The following ARSG variants were observed in gnomAD, a reference collection of about 807,000 sequenced individuals.
ARSG encodes arylsulfatase G, also known as ASG.
In ARSG, 37 loss-of-function variants were observed where a neutral mutation model predicts 50.5. The observed-to-expected ratio is 0.73, with a 90% CI of 0.56 to 0.96. The LOEUF is 0.96. Ranked by LOEUF, ARSG falls within the 50% of genes least tolerant of loss-of-function variation. The pLI is 0.00. For synonymous variants in ARSG, 225 were observed against 254.6 expected (o/e 0.88, Z 1.11); for missense variants, 629 against 675.3 (o/e 0.93, Z 0.76).
the ARSG span, among the ~76,000 whole-genome samples, chr17:68,443,822 G>T: frequency 2.6e-5 from 4 of 152,300 alleles, no homozygotes; most frequent in East Asian, 1.9e-4. Context: ...TGTACAAGTT[G>T]TTCCAGTGTG....
chr17:68,406,289 T>C (rs1046259135), intron 11 of ARSG, among the ~76,000 whole-genome samples: 1 of 152,248 alleles, frequency 6.6e-6, no homozygotes, highest in South Asian at 2.1e-4. Context: ...CACTCATTGA[T>C]TGATGGACAT....
Position 68,291,823 on chromosome 17 carries a change from C to G in ARSG, c.-552+255C>G, listed in dbSNP as rs1251896631. 2.0e-5 allele frequency among the ~76,000 whole-genome samples: 3 copies of G among 151,916 alleles called. No individual in the cohort carries two copies. In the East Asian group the frequency reaches 5.9e-4, roughly 30 times the overall value. ...CCCCCGGGCGCCTTCCCGGCGCGCC[C>G]ACCGCCCAGTCCCGCCCGCGCCCTG... is the stretch of plus-strand genomic sequence containing the variant. On this transcript the variant is annotated intron_variant, in intron 1 of 11. Transcript: ENST00000621439.
chr17:68,361,649 C>G (rs1350276566), intron 6 of ARSG, among the ~76,000 whole-genome samples: 1 of 152,168 alleles, frequency 6.6e-6, no homozygotes, highest in Non-Finnish European at 1.5e-5. Flanking sequence ...CACGGTGGCT[C>G]ACGCCTGTAA....
At chr17:68,400,303 C>T (rs1272907960) in intron 10 of ARSG, 6 of 152,206 alleles carry the variant, frequency 3.9e-5, no homozygotes, top group African/African-American at 1.4e-4. Context: ...TTAGGTGTTT[C>T]CATTCTGTAC....
chr17:68,313,379 C>G (rs530725407), intron 2 of ARSG, among the ~76,000 whole-genome samples: 3 of 152,314 alleles, frequency 2.0e-5, no homozygotes, highest in East Asian at 3.9e-4. Context: ...TTCCTTGCCT[C>G]TCTCCTGGAT....
downstream of ARSG, among the ~76,000 whole-genome samples, chr17:68,425,324 G>A (rs565746441): frequency 2.6e-5 from 4 of 151,892 alleles, no homozygotes; most frequent in Non-Finnish European, 5.9e-5. Context: ...CCATCTCAGC[G>A]TCCCGAATAG....
intron 1 of ARSG, chr17:68,270,923 C>G: frequency 6.2e-7 from 1 of 1,614,178 alleles, no homozygotes; most frequent in Non-Finnish European, 8.5e-7. Context: ...TCAATGCCCA[C>G]GACATCATCC....
chr17:68,423,301 G>A (rs1361313486), downstream of ARSG, among the ~76,000 whole-genome samples: 1 of 152,222 alleles, frequency 6.6e-6, no homozygotes, highest in Admixed American at 6.5e-5. The surrounding 1 kb of genome is among the most constrained non-coding windows in gnomAD (Gnocchi z 4.4). Context: ...TGACTGAGAT[G>A]GGCCATATTG....
At chr17:68,336,706 A>T (rs2078038064) in intron 2 of ARSG, among the ~76,000 whole-genome samples, 1 of 152,106 alleles carries the variant, frequency 6.6e-6, no homozygotes, top group Non-Finnish European at 1.5e-5. Flanking sequence ...TATAAAAATT[A>T]GCTGAGCATG....
intron 2 of ARSG, among the ~76,000 whole-genome samples, chr17:68,322,685 A>G (rs1475107906): frequency 1.3e-5 from 2 of 152,210 alleles, no homozygotes; most frequent in Non-Finnish European, 2.9e-5. Flanking sequence ...TGAGGACGTT[A>G]ACAAGCCCAC....
intron 11 of ARSG, among the ~76,000 whole-genome samples, 198 bp from the exon 12 acceptor site, chr17:68,419,991 C>T (rs2082662331): frequency 6.6e-6 from 1 of 152,026 alleles, no homozygotes; most frequent in African/African-American, 2.4e-5. Flanking sequence ...AAAAGCAAAA[C>T]ATTTTGGACC....
intron 2 of ARSG, among the ~76,000 whole-genome samples, chr17:68,341,080 C>T (rs2078247139): frequency 6.6e-6 from 1 of 152,146 alleles, no homozygotes; most frequent in African/African-American, 2.4e-5. Flanking sequence ...AGTGGAACAG[C>T]TACTGAGTGA....
rs1268312630 is a variant in ARSG at position 68,273,779 on chromosome 17, GT to G, written c.-552+14355del. On this transcript the variant is annotated intron_variant, in intron 1 of 11. Transcript: ENST00000448504. The stretch of plus-strand genomic sequence containing the variant: ...GGTCCCCTGAAGTCCATATAGCTCA[GT>G]TCAAAACTACTGATCTGAGACACTG... 231 of 978,996 alleles carry G rather than the reference GT, an allele frequency of 2.4e-4. 2 individuals carry two copies. The Middle Eastern group carries it at 2.9e-3, about 12-fold the overall frequency. 60.6% of individuals were successfully genotyped at this position (978,996 alleles called of 1,614,324 possible).
chr17:68,348,446 A>G (rs1176861397), intron 4 of ARSG, among the ~76,000 whole-genome samples: 4 of 151,864 alleles, frequency 2.6e-5, no homozygotes, highest in African/African-American at 9.7e-5. Flanking sequence ...CCTCCTACCT[A>G]TTTGCTCTTT....
At chr17:68,337,038 T>C (rs1166604554) in intron 2 of ARSG, among the ~76,000 whole-genome samples, 2 of 152,092 alleles carry the variant, frequency 1.3e-5, no homozygotes, top group Non-Finnish European at 2.9e-5. Flanking sequence ...TCTGGGAGAC[T>C]TGATAGAACT....
chr17:68,366,673 A>ATG (rs555888280), intron 6 of ARSG, among the ~76,000 whole-genome samples: 9,668 of 134,908 alleles, frequency 0.072, 351 homozygotes, highest in East Asian at 0.11. Context: ...CTAGGAATTT[A>ATG]TGTATGTGTG....
In ARSG at chr17:68,356,798, G is replaced by T. The variant is rs774988063; in HGVS notation, c.698G>T (p.Arg233Leu). 6.8e-6 allele frequency: 11 copies of T among 1,614,150 alleles called. No homozygotes were observed. The highest frequency in any genetic ancestry group is 1.6e-4 in the Middle Eastern group (1 of 6,062). Reference sequence around the variant, plus strand: ...GAGAAAGCAACCCAGTTCATCCAGCGTGCAAGGTGAGGAGTCTCCCTCCCT... The same window carrying T: ...GAGAAAGCAACCCAGTTCATCCAGCTTGCAAGGTGAGGAGTCTCCCTCCCT... The part of the protein sequence containing the change: ...YAEKATQFIQ[R>L]ASTSGRPFLL... Residue 233 changes from arginine (R) to leucine (L), a missense_variant, in exon 6 of 12, where the codon CGT (arginine) becomes CTT (leucine). By Grantham distance (102) the Arg-to-Leu change is moderately radical. Transcript: ENST00000621439.
chr17:68,406,300 T>C (rs2081715620), intron 11 of ARSG, among the ~76,000 whole-genome samples: 1 of 152,200 alleles, frequency 6.6e-6, no homozygotes, highest in Admixed American at 6.5e-5. Flanking sequence ...TGATGGACAT[T>C]TGGGCTGGTT....
At chr17:68,424,440 A>G (rs1407746027), downstream of ARSG, 1 of 534,768 alleles carries the variant, frequency 1.9e-6, no homozygotes, top group Non-Finnish European at 3.8e-6. Flanking sequence ...CCTGCACTCC[A>G]TCCTTTTACA....
Sources: gnomAD v4.1 joint callset for allele counts (sites outside exome capture counted in the v4.1 genomes callset) on GRCh38, gnomAD v4.1.1 for gene constraint, Gnocchi (gnomAD v3.1) non-coding constraint, MANE v1.5 for transcripts, NCBI Gene and HGNC (gene_info 2026-07-23, HGNC 2026-07-21) for gene names.